The following PRDM16 variants were observed in gnomAD, a reference collection of about 807,000 sequenced individuals.
The protein encoded by PRDM16 is PR/SET domain 16.
A neutral mutation model predicts 110.6 loss-of-function variants in PRDM16; 23 were observed. That is an observed-to-expected ratio of 0.21 (90% CI 0.15 to 0.29). The LOEUF (loss-of-function observed/expected upper bound fraction) is 0.29. Ranked by LOEUF, PRDM16 falls within the 10% of genes least tolerant of loss-of-function variation. The probability of loss-of-function intolerance (pLI) is 1.00; values close to 1 mark genes in which losing one functional copy is unlikely to be tolerated. For missense variants in PRDM16, 1,615 were observed against 1,794.3 expected, an observed-to-expected ratio of 0.90 and a Z score of 1.81; for synonymous variants, 799 against 781.8, an observed-to-expected ratio of 1.02 and a Z score of -0.37.
chr1:3,357,656 T>C (rs781061469), intron 3 of PRDM16, among the ~76,000 whole-genome samples: 2 of 152,234 alleles, frequency 1.3e-5, no homozygotes, highest in African/African-American at 2.4e-5. Flanking sequence ...ACCCTCTTCC[T>C]GCCCAGTCGT....
In PRDM16 at chr1:3,201,914, G is replaced by A. The variant is rs936142042; in HGVS notation, c.387+15440G>A. On this transcript the variant is annotated intron_variant, in intron 2 of 16. Transcript: ENST00000270722. The surrounding 1 kb of genome is among the most constrained non-coding windows in gnomAD (Gnocchi z 4.1). ...CACCTCTCGGAGGGACCTCCAAGTG[G>A]AGCCTTCGAGCAAGGGGTCCAGCTC... Among the ~76,000 whole-genome samples the A allele has an allele frequency of 1.3e-5, 2 of 152,204 alleles. No individual in the cohort carries two copies. Among genetic ancestry groups the A allele is most frequent in the Non-Finnish European group, 2.9e-5 (2 of 68,038 alleles).
intron 3 of PRDM16, among the ~76,000 whole-genome samples, chr1:3,338,627 C>A (rs1642209501): frequency 6.6e-6 from 1 of 152,188 alleles, no homozygotes; most frequent in Non-Finnish European, 1.5e-5. Flanking sequence ...CACCTCCGGC[C>A]TGATAACCCG....
chr1:3,203,570 C>T (rs1638680950), intron 2 of PRDM16, among the ~76,000 whole-genome samples: 1 of 145,306 alleles, frequency 6.9e-6, no homozygotes, highest in South Asian at 2.1e-4. Context: ...GGGGTCCGTG[C>T]GTTTCTCTCC....
chr1:3,380,587 C>T (rs777029325), intron 3 of PRDM16, among the ~76,000 whole-genome samples: 6 of 152,132 alleles, frequency 3.9e-5, no homozygotes, highest in Non-Finnish European at 4.4e-5. Flanking sequence ...CCGAGAGGGT[C>T]GGGGACAGAC....
At chr1:3,171,829 C>T (rs1354759602) in intron 1 of PRDM16, among the ~76,000 whole-genome samples, 2 of 152,164 alleles carry the variant, frequency 1.3e-5, no homozygotes, top group East Asian at 3.9e-4. Flanking sequence ...TCTGTGGCCA[C>T]CCGGGCCCTC....
intron 8 of PRDM16, among the ~76,000 whole-genome samples, chr1:3,411,164 C>T (rs1643679457): frequency 6.6e-6 from 1 of 152,182 alleles, no homozygotes; most frequent in African/African-American, 2.4e-5. Context: ...CACACAGACA[C>T]ACATGCACCT....
At chr1:3,273,421 TATG>T (rs1368289007) in intron 3 of PRDM16, among the ~76,000 whole-genome samples, 1 of 150,722 alleles carries the variant, frequency 6.6e-6, no homozygotes, top group Non-Finnish European at 1.5e-5. Context: ...GAGGTGCACA[TATG>T]AGGGTGCGTG....
intron 12 of PRDM16, among the ~76,000 whole-genome samples, chr1:3,421,962 A>AGGCG: frequency 6.7e-6 from 1 of 148,306 alleles, no homozygotes; most frequent in South Asian, 2.2e-4. Flanking sequence ...ACAGACAGGA[A>AGGCG]GACAGACAGG....
intron 3 of PRDM16, among the ~76,000 whole-genome samples, chr1:3,298,617 C>G (rs994163975): frequency 6.6e-6 from 1 of 152,170 alleles, no homozygotes; most frequent in African/African-American, 2.4e-5. Context: ...CAATTCATAT[C>G]AGACACCCTT....
chr1:3,126,253 C>T (rs929928479), intron 1 of PRDM16, among the ~76,000 whole-genome samples: 10 of 152,214 alleles, frequency 6.6e-5, no homozygotes, highest in African/African-American at 1.7e-4. Flanking sequence ...CCGCCGCACG[C>T]GGCCAGCCTG....
intron 1 of PRDM16, among the ~76,000 whole-genome samples, chr1:3,097,164 G>A (rs1642422661): frequency 6.6e-6 from 1 of 152,242 alleles, no homozygotes; most frequent in East Asian, 1.9e-4. Flanking sequence ...AAGGTTAAGG[G>A]CAGAGCTGAG....
chr1:3,156,148 T>C (rs936444430), intron 1 of PRDM16, among the ~76,000 whole-genome samples: 1 of 152,168 alleles, frequency 6.6e-6, no homozygotes, highest in Non-Finnish European at 1.5e-5. Flanking sequence ...TCTCGTTGAT[T>C]TCCTCTCCCA....
chr1:3,347,396 G>A (rs989120266), intron 3 of PRDM16, among the ~76,000 whole-genome samples: 2 of 152,220 alleles, frequency 1.3e-5, no homozygotes, highest in Admixed American at 6.5e-5. Context: ...GAAGGAGCCC[G>A]GAACACCCTG....
intron 1 of PRDM16, among the ~76,000 whole-genome samples, chr1:3,116,314 C>T (rs562655323): frequency 3.9e-5 from 6 of 152,172 alleles, no homozygotes; most frequent in Admixed American, 1.3e-4. Flanking sequence ...GTGCTCACTC[C>T]GCGGTGCGTG....
chr1:3,248,721 G>A (rs1639852068), intron 3 of PRDM16, among the ~76,000 whole-genome samples: 3 of 152,226 alleles, frequency 2.0e-5, no homozygotes, highest in Admixed American at 1.3e-4. Context: ...TGATAGCCCA[G>A]CCTTGCATTG....
intron 2 of PRDM16, among the ~76,000 whole-genome samples, chr1:3,221,327 C>A (rs921761579): frequency 6.6e-6 from 1 of 152,220 alleles, no homozygotes; most frequent in Non-Finnish European, 1.5e-5. Flanking sequence ...AGTCATGAGC[C>A]TCTCTGAGCC....
rs1639711646 is a variant in PRDM16 at position 3,243,070 on chromosome 1, A to C, written c.388-1017A>C. On this transcript the variant is annotated intron_variant, in intron 2 of 16. Transcript: ENST00000270722. The surrounding 1 kb of genome is among the most constrained non-coding windows in gnomAD (Gnocchi z 5.5). Reference sequence around the variant, plus strand: ...ACCCGGCGAAATGCTCTCCAGAGCCAAAGAACGTTCCGGCTGGAGCGACCT... The same window carrying C: ...ACCCGGCGAAATGCTCTCCAGAGCCCAAGAACGTTCCGGCTGGAGCGACCT... Among the ~76,000 whole-genome samples, 1 of 152,154 alleles carries C rather than the reference A, an allele frequency of 6.6e-6. No homozygotes were observed. Among genetic ancestry groups the C allele is most frequent in the Non-Finnish European group, 1.5e-5 (1 of 68,018 alleles).
At chr1:3,219,842 C>A (rs1483958707) in intron 2 of PRDM16, among the ~76,000 whole-genome samples, 6 of 152,296 alleles carry the variant, frequency 3.9e-5, no homozygotes, top group Non-Finnish European at 8.8e-5. Context: ...CTCTGGCAAG[C>A]CGGAGGAGGA....
In PRDM16 at chr1:3,382,987, C is replaced by T. The variant is rs1223659385; in HGVS notation, c.439-2165C>T. ...ATCCCCCCGCCGCCAATGTTTTCCT[C>T]GGGCTCCAGCCCCTAGCCTAGTTAT... On this transcript the variant is annotated intron_variant, in intron 3 of 16. Coordinates refer to ENST00000270722, the MANE Select transcript of PRDM16 (RefSeq NM_022114.4). The surrounding 1 kb of genome is among the most constrained non-coding windows in gnomAD (Gnocchi z 6.6). Among the ~76,000 whole-genome samples the T allele has an allele frequency of 1.3e-5, 2 of 152,212 alleles. No individual in the cohort carries two copies. Among genetic ancestry groups the T allele is most frequent in the Admixed American group, 6.5e-5 (1 of 15,288 alleles).
Sources: gnomAD v4.1 joint callset for allele counts (sites outside exome capture counted in the v4.1 genomes callset) on GRCh38, gnomAD v4.1.1 for gene constraint, Gnocchi (gnomAD v3.1) non-coding constraint, MANE v1.5 for transcripts, NCBI Gene and HGNC (gene_info 2026-07-23, HGNC 2026-07-21) for gene names.